Variants in NUP210 observed in about 807,000 individuals in gnomAD.
NUP210 encodes nucleoporin 210.
A neutral mutation model predicts 196.0 loss-of-function variants in NUP210; 151 were observed. The observed-to-expected ratio is 0.77, with a 90% confidence interval of 0.67 to 0.88. The LOEUF is 0.88. Ranked by LOEUF, NUP210 falls within the 40% of genes least tolerant of loss-of-function variation. The probability of loss-of-function intolerance (pLI) is 0.00; values close to 1 mark genes in which losing one functional copy is unlikely to be tolerated. For missense variants in NUP210, 2,314 were observed against 2,493.7 expected, an observed-to-expected ratio of 0.93 and a Z score of 1.53; for synonymous variants, 1,070 against 1,052.7, an observed-to-expected ratio of 1.02 and a Z score of -0.32.
At position 13,348,294 on chromosome 3, in the gene NUP210, C is replaced by T. The variant is rs1470857527; in HGVS notation, c.2835+3585G>A. 4.0e-6 allele frequency: 3 copies of T among 751,154 alleles called. No homozygotes were observed. Among genetic ancestry groups the T allele is most frequent in the Non-Finnish European group, 4.9e-6 (3 of 616,178 alleles). 46.5% of individuals were successfully genotyped at this position (751,154 alleles called of 1,614,324 possible). On this transcript the variant is annotated intron_variant, in intron 20 of 39. Coordinates refer to ENST00000254508, the MANE Select transcript of NUP210 (RefSeq NM_024923.4). This position sits in a 1 kb window ranked among gnomAD's most constrained non-coding sequence, Gnocchi z 4.0. ...CAAATGCCTCCAGAGACAGGGAGCT[C>T]ACTACCTACAGCGGCAGCCTAGTCC...
At chr3:13,386,456 G>C (rs1457715172) in intron 5 of NUP210, 49 bp from the exon 6 acceptor site, 1 of 1,608,246 alleles carries the variant, frequency 6.2e-7, no homozygotes, top group Non-Finnish European at 8.5e-7. Context: ...CAGGGAATGG[G>C]GAAGTGGTGG....
intron 28 of NUP210, 87 bp from the exon 29 acceptor site, chr3:13,332,471 C>T (rs533922302): frequency 7.9e-5 from 80 of 1,016,002 alleles, no homozygotes; most frequent in South Asian, 5.5e-4. Flanking sequence ...CAGCAAGAGC[C>T]GAGGAGGGGC....
chr3:13,383,620 G>C (rs1576404969), intron 6 of NUP210, among the ~76,000 whole-genome samples: 1 of 141,400 alleles, frequency 7.1e-6, no homozygotes, highest in African/African-American at 2.7e-5. Context: ...TGCCTCCCGG[G>C]TTCAAGCAAT....
At position 13,341,950 on chromosome 3, in the gene NUP210, A is replaced by C. The variant is rs761038715; in HGVS notation, c.3092+46T>G. On this transcript the variant is annotated intron_variant, in intron 22 of 39. Coordinates refer to ENST00000254508, the MANE Select transcript of NUP210 (RefSeq NM_024923.4). Reference sequence around the variant, plus strand: ...CGTGGGAAAGGCTGCAGCTGGGGTCAGCACTGTCTCTGAGGTGCCCTCCTC... The same window carrying C: ...CGTGGGAAAGGCTGCAGCTGGGGTCCGCACTGTCTCTGAGGTGCCCTCCTC... 1.9e-6 allele frequency: 3 copies of C among 1,613,802 alleles called. No individual in the cohort carries two copies. The Admixed American group carries it at 5.0e-5, about 27-fold the overall frequency.
intron 13 of NUP210, among the ~76,000 whole-genome samples, chr3:13,366,805 C>T (rs1472349541): frequency 6.6e-6 from 1 of 151,664 alleles, no homozygotes; most frequent in Non-Finnish European, 1.5e-5. Flanking sequence ...GCATGAGCCA[C>T]CGCACCCGGC....
rs1698328299 is a variant in NUP210 at position 13,360,337 on chromosome 3, G to A, written c.2087C>T (p.Ala696Val). ...CTGATAATTCCGGGAGGAATGGGGG[G>A]CAAAGAGAGCCAGGCCGATGCTGTC... ...DTDSIGLALF[A>V]PHSSRNYQQH... Residue 696 changes from alanine to valine, a missense_variant, in exon 15 of 40, where the codon GCC (alanine) becomes GTC (valine). Coordinates refer to ENST00000254508, the MANE Select transcript of NUP210 (RefSeq NM_024923.4). 6.2e-7 allele frequency: 1 copy of A among 1,614,114 alleles called. No homozygotes were observed. Among genetic ancestry groups the A allele is most frequent in the Admixed American group, 1.7e-5 (1 of 60,006 alleles).
chr3:13,319,511 ACTT>A (rs987842836), intron 37 of NUP210, among the ~76,000 whole-genome samples, 186 bp from the exon 38 acceptor site: 1 of 145,620 alleles, frequency 6.9e-6, no homozygotes, highest in Non-Finnish European at 1.5e-5. Flanking sequence ...GTACCCTGGC[ACTT>A]CTTCTCCTGG....
chr3:13,345,233 A>G (rs1697675622), intron 20 of NUP210: 1 of 985,450 alleles, frequency 1.0e-6, no homozygotes, highest in Non-Finnish European at 1.2e-6. Context: ...AATTCTGAAA[A>G]TCACCTGCAA....
intron 33 of NUP210, among the ~76,000 whole-genome samples, chr3:13,325,462 CTT>C (rs1696710494): frequency 6.6e-6 from 1 of 152,196 alleles, no homozygotes; most frequent in Non-Finnish European, 1.5e-5. Context: ...CACAGGGAGT[CTT>C]AGCCTTGCAG....
At chr3:13,386,453 T>C in intron 5 of NUP210, 46 bp from the exon 6 acceptor site, 1 of 1,609,888 alleles carries the variant, frequency 6.2e-7, no homozygotes, top group Non-Finnish European at 8.5e-7. Flanking sequence ...GGACAGGGAA[T>C]GGGGAAGTGG....
chr3:13,362,140 C>G (rs11918061), intron 14 of NUP210, among the ~76,000 whole-genome samples: 6,106 of 152,220 alleles, frequency 0.04, 190 homozygotes, highest in African/African-American at 0.078. Flanking sequence ...GTTTCCTTCT[C>G]TGTCTGTGGC....
At chr3:13,327,505 A>T in intron 31 of NUP210, 68 bp from the exon 32 acceptor site, 1 of 1,174,788 alleles carries the variant, frequency 8.5e-7, no homozygotes, top group Non-Finnish European at 1.2e-6. Context: ...AAAGGGAGAA[A>T]CGTAATCCAT....
chr3:13,348,582 T>TCG lies in NUP210; in HGVS notation c.2835+3295_2835+3296dup, dbSNP rs1697841404. On this transcript the variant is annotated intron_variant, in intron 20 of 39. Transcript: ENST00000254508. This position sits in a 1 kb window ranked among gnomAD's most constrained non-coding sequence, Gnocchi z 4.0. Reference sequence around the variant, plus strand: ...AATTAAGATGTAAGATTCTCTTCACTCGCATGGCTGGAGGAAGAGCTGGGG... The same window carrying TCG: ...AATTAAGATGTAAGATTCTCTTCACTCGCGCATGGCTGGAGGAAGAGCTGGGG... The TCG allele has an allele frequency of 1.0e-6, 1 of 985,244 alleles. No homozygotes were observed. The highest frequency in any genetic ancestry group is 6.1e-5 in the Admixed American group (1 of 16,272). The allele number at this position is 985,244 out of a possible 1,614,324, so 61.0% of individuals were successfully genotyped here.
chr3:13,334,093 T>C (rs907132361), intron 28 of NUP210, among the ~76,000 whole-genome samples: 1 of 152,242 alleles, frequency 6.6e-6, no homozygotes, highest in Non-Finnish European at 1.5e-5. Flanking sequence ...GGAATCTTCC[T>C]ATCTTTACAT....
At chr3:13,332,252 A>T (rs1291061191) in intron 29 of NUP210, 41 bp downstream of exon 29, 1 of 1,536,514 alleles carries the variant, frequency 6.5e-7, no homozygotes, top group Admixed American at 1.7e-5. Flanking sequence ...ATGCAAGCAC[A>T]GCCGCACAAC....
intron 1 of NUP210, among the ~76,000 whole-genome samples, chr3:13,409,467 T>C (rs1270095128): frequency 6.6e-6 from 1 of 152,222 alleles, no homozygotes; most frequent in African/African-American, 2.4e-5. Flanking sequence ...AACCTGACCA[T>C]GCTGGTACCA....
intron 32 of NUP210, 52 bp downstream of exon 32, chr3:13,327,165 C>T (rs1342788263): frequency 1.3e-6 from 2 of 1,491,184 alleles, no homozygotes; most frequent in African/African-American, 1.4e-5. Flanking sequence ...CCCCACCCAG[C>T]TTTGCAAGCG....
At chr3:13,356,765 G>T (rs1212689697) in intron 16 of NUP210, among the ~76,000 whole-genome samples, 2 of 152,214 alleles carry the variant, frequency 1.3e-5, no homozygotes, top group African/African-American at 4.8e-5. Flanking sequence ...CGTGTTTGAG[G>T]TCCATTATTT....
At chr3:13,362,105 G>A (rs763798712) in intron 14 of NUP210, among the ~76,000 whole-genome samples, 22 of 152,170 alleles carry the variant, frequency 1.4e-4, no homozygotes, top group Non-Finnish European at 5.9e-5. Context: ...TCATGCTATA[G>A]GCTTGTGGAG....
Sources: gnomAD v4.1 joint callset for allele counts (sites outside exome capture counted in the v4.1 genomes callset) on GRCh38, gnomAD v4.1.1 for gene constraint, Gnocchi (gnomAD v3.1) non-coding constraint, MANE v1.5 for transcripts, NCBI Gene and HGNC (gene_info 2026-07-23, HGNC 2026-07-21) for gene names.